The following IL1RAPL1 variants were observed in gnomAD, a reference collection of about 807,000 sequenced individuals.
IL1RAPL1 encodes the protein interleukin 1 receptor accessory protein like 1.
A neutral mutation model predicts 48.4 loss-of-function variants in IL1RAPL1; 3 were observed. The observed-to-expected ratio is 0.06, with a 90% CI of 0.03 to 0.16. The LOEUF (loss-of-function observed/expected upper bound fraction) is 0.16. Ranked by LOEUF, IL1RAPL1 falls within the 10% of genes least tolerant of loss-of-function variation. The pLI is 1.00. For missense variants in IL1RAPL1, 349 were observed against 530.6 expected (o/e 0.66, Z 3.36); for synonymous variants, 185 against 187.7 (o/e 0.99, Z 0.12).
chrX:29,329,744 C>T (rs949696198), intron 3 of IL1RAPL1, among the ~76,000 whole-genome samples: 2 of 106,411 alleles, frequency 1.9e-5, no homozygotes, highest in Admixed American at 1.0e-4. Context: ...ACCCAGGAGG[C>T]GAAGGTTGCA....
intron 2 of IL1RAPL1, among the ~76,000 whole-genome samples, chrX:29,229,390 G>A (rs183753113): frequency 2.0e-3 from 222 of 109,225 alleles, no homozygotes; most frequent in African/African-American, 7.3e-3. Context: ...AACCCATTCT[G>A]TATGATAATT....
intron 2 of IL1RAPL1, among the ~76,000 whole-genome samples, chrX:29,035,068 C>A (rs753506311): frequency 4.5e-4 from 50 of 110,990 alleles, no homozygotes; most frequent in African/African-American, 1.5e-3. Flanking sequence ...AGGGTTTCAT[C>A]GTGTTAGCTA....
At position 29,637,971 on chromosome X, in the gene IL1RAPL1, A is replaced by G. The variant is rs1033989094; in HGVS notation, c.704-30459A>G. ...TGTTTTACACCTATGTTATGTTTCT[A>G]TTGACATACTTTTAGAATGAATACT... On this transcript the variant is annotated intron_variant, in intron 5 of 10. Coordinates refer to ENST00000378993, the MANE Select transcript of IL1RAPL1 (RefSeq NM_014271.4). Among the ~76,000 whole-genome samples the G allele has an allele frequency of 3.6e-5, 4 of 112,142 alleles. No homozygotes were observed. The East Asian group carries it at 1.1e-3, about 31-fold the overall frequency.
intron 1 of IL1RAPL1, among the ~76,000 whole-genome samples, chrX:28,725,845 T>C: frequency 8.9e-6 from 1 of 112,352 alleles, no homozygotes; most frequent in Non-Finnish European, 1.9e-5. Context: ...GGAATCTCCC[T>C]TGTAACACTT....
At chrX:29,803,407 G>GTATACACATATGTA (rs1930145419) in intron 6 of IL1RAPL1, among the ~76,000 whole-genome samples, 5 of 81,048 alleles carry the variant, frequency 6.2e-5, no homozygotes, top group African/African-American at 2.8e-4. Context: ...GTATATATGT[G>GTATACACATATGTA]TATATGTGTA....
intron 5 of IL1RAPL1, among the ~76,000 whole-genome samples, chrX:29,419,968 T>G (rs761053707): frequency 3.6e-5 from 4 of 111,979 alleles, no homozygotes; most frequent in Non-Finnish European, 7.5e-5. Flanking sequence ...TGACTAGTTC[T>G]TATCAATGAG....
chrX:29,313,395 A>G (rs921027692), intron 3 of IL1RAPL1, among the ~76,000 whole-genome samples: 3 of 111,091 alleles, frequency 2.7e-5, no homozygotes, highest in African/African-American at 9.8e-5. Flanking sequence ...ATCTCCGCAA[A>G]ATAAATAAGG....
At chrX:29,779,584 G>A (rs1029350504) in intron 6 of IL1RAPL1, among the ~76,000 whole-genome samples, 10 of 110,389 alleles carry the variant, frequency 9.1e-5, no homozygotes, top group South Asian at 7.6e-4. Flanking sequence ...GCCCATGTAC[G>A]CCCTGAACCT....
intron 1 of IL1RAPL1, among the ~76,000 whole-genome samples, chrX:28,641,845 G>C (rs1207867573): frequency 1.8e-5 from 2 of 110,752 alleles, no homozygotes; most frequent in Admixed American, 1.9e-4. Flanking sequence ...TTTTTCATAT[G>C]CTTATTGGCC....
intron 2 of IL1RAPL1, among the ~76,000 whole-genome samples, chrX:28,958,922 G>A (rs1924691309): frequency 1.8e-5 from 2 of 111,309 alleles, no homozygotes; most frequent in Admixed American, 1.9e-4. Flanking sequence ...GTAATTAGAT[G>A]GGAATAAAAT....
At chrX:29,122,407 TCTCACA>T (rs1261920746) in intron 2 of IL1RAPL1, among the ~76,000 whole-genome samples, 1 of 76,258 alleles carries the variant, frequency 1.3e-5, no homozygotes, top group African/African-American at 6.7e-5. Flanking sequence ...TCTCTCTCTC[TCTCACA>T]CACACACACA....
chrX:29,933,603 CAGAT>C (rs1215090857), intron 8 of IL1RAPL1, among the ~76,000 whole-genome samples: 1 of 90,924 alleles, frequency 1.1e-5, no homozygotes, highest in Non-Finnish European at 2.1e-5. Flanking sequence ...TTTAATGTGT[CAGAT>C]AGTTAGCAAG....
At chrX:28,781,292 T>A (rs758401576) in intron 1 of IL1RAPL1, among the ~76,000 whole-genome samples, 20 of 108,192 alleles carry the variant, frequency 1.8e-4, no homozygotes, top group African/African-American at 2.4e-4. Flanking sequence ...AGGGTTTTTT[T>A]TTTATTTATT....
At chrX:29,577,537 T>C in intron 5 of IL1RAPL1, among the ~76,000 whole-genome samples, 1 of 111,981 alleles carries the variant, frequency 8.9e-6, no homozygotes. Flanking sequence ...CTGAGCTTGC[T>C]ATCCTGCGGA....
At chrX:28,918,548 G>A (rs1174785199) in intron 2 of IL1RAPL1, among the ~76,000 whole-genome samples, 1 of 112,243 alleles carries the variant, frequency 8.9e-6, no homozygotes, top group Non-Finnish European at 1.9e-5. Context: ...CTTTCAACAA[G>A]TTGGAGGACT....
At chrX:28,719,065 G>C (rs961600049) in intron 1 of IL1RAPL1, among the ~76,000 whole-genome samples, 2 of 110,785 alleles carry the variant, frequency 1.8e-5, no homozygotes, top group African/African-American at 3.3e-5. Context: ...CATATAGGTA[G>C]GGTTAGACAT....
intron 1 of IL1RAPL1, among the ~76,000 whole-genome samples, chrX:28,670,669 G>C (rs1263477198): frequency 8.9e-6 from 1 of 112,067 alleles, no homozygotes; most frequent in Non-Finnish European, 1.9e-5. Flanking sequence ...CCAAAGGCAT[G>C]TGTATAATAA....
intron 2 of IL1RAPL1, among the ~76,000 whole-genome samples, chrX:28,864,773 C>G (rs1922036040): frequency 9.0e-6 from 1 of 111,431 alleles, no homozygotes; most frequent in Non-Finnish European, 1.9e-5. Context: ...GCCTCGTGGG[C>G]TGTTTTTAGA....
chrX:29,374,286 C>CTTT (rs747182215), intron 3 of IL1RAPL1, among the ~76,000 whole-genome samples: 1 of 4,755 alleles, frequency 2.1e-4, no homozygotes, highest in African/African-American at 5.4e-4. Context: ...TGGTTGGTTG[C>CTTT]TTTTTTTTTT....
Sources: gnomAD v4.1 joint callset for allele counts (sites outside exome capture counted in the v4.1 genomes callset) on GRCh38, gnomAD v4.1.1 for gene constraint, MANE v1.5 for transcripts, NCBI Gene and HGNC (gene_info 2026-07-23, HGNC 2026-07-21) for gene names.